STMN3: variants seen among roughly 807,000 people sequenced by gnomAD.
STMN3 encodes stathmin-3.
A neutral mutation model predicts 23.2 loss-of-function variants in STMN3; 24 were observed. That is an observed-to-expected ratio of 1.03 (90% CI 0.75 to 1.45). The LOEUF (loss-of-function observed/expected upper bound fraction) is 1.45, where lower values mean the gene tolerates loss of function less well. STMN3 is among the 40% of genes most tolerant of loss of function. STMN3 has a pLI of 0.00. For synonymous variants in STMN3, 117 were observed against 103.4 expected (o/e 1.13, Z -0.80); for missense variants, 235 against 237.6 (o/e 0.99, Z 0.07).
rs866742551 is a variant in STMN3 at position 63,640,506 on chromosome 20, A to G, written c.*832T>C. On this transcript the variant is annotated 3_prime_UTR_variant, in exon 5 of 5. Transcript: ENST00000370053. ...CAGGGCAGAGGGCACAGGAGGGGCC[A>G]GCACTCCAAAGGGCTCTAGGGTGGG... is the stretch of plus-strand genomic sequence containing the variant. The G allele has an allele frequency of 1.3e-5, 2 of 148,860 alleles. No individual in the cohort carries two copies. Among genetic ancestry groups the G allele is most frequent in the Middle Eastern group, 3.4e-3 (1 of 294 alleles). 9.2% of individuals were successfully genotyped at this position (148,860 alleles called of 1,614,324 possible).
At chr20:63,646,121 C>G (rs1487274882) in intron 1 of STMN3, among the ~76,000 whole-genome samples, 1 of 151,974 alleles carries the variant, frequency 6.6e-6, no homozygotes, top group Non-Finnish European at 1.5e-5. Context: ...CTTAAATTTC[C>G]TGGTGACCTA....
intron 1 of STMN3, among the ~76,000 whole-genome samples, chr20:63,644,895 C>A (rs1230183301): frequency 6.6e-6 from 1 of 152,124 alleles, no homozygotes; most frequent in African/African-American, 2.4e-5. Flanking sequence ...TTCTGGCCTC[C>A]AGAGCGATGG....
chr20:63,644,951 G>C (rs1006776719), intron 1 of STMN3, among the ~76,000 whole-genome samples: 26 of 152,168 alleles, frequency 1.7e-4, no homozygotes, highest in African/African-American at 6.0e-4. Context: ...TCAGGTACCT[G>C]CCCAGACTGA....
At chr20:63,647,991 TAC>T (rs1555897557) in intron 1 of STMN3, among the ~76,000 whole-genome samples, 2 of 75,888 alleles carry the variant, frequency 2.6e-5, no homozygotes, top group African/African-American at 9.7e-5. Flanking sequence ...CATATATATA[TAC>T]AGAGAGAGAG....
chr20:63,648,504 G>A (rs2089835414), intron 1 of STMN3, among the ~76,000 whole-genome samples: 1 of 152,198 alleles, frequency 6.6e-6, no homozygotes, highest in Admixed American at 6.5e-5. Context: ...GGGAGGCTGA[G>A]GCAGGAGGAT....
In STMN3 at chr20:63,639,953, G is replaced by C. The variant is rs1247085985; in HGVS notation, c.*1385C>G. The C allele has an allele frequency of 6.6e-6, 1 of 152,484 alleles. No homozygotes were observed. Among genetic ancestry groups the C allele is most frequent in the Non-Finnish European group, 1.5e-5 (1 of 68,094 alleles). The allele number at this position is 152,484 out of a possible 1,614,324, so 9.4% of individuals were successfully genotyped here. A position where few individuals can be genotyped will look rare whatever the true frequency, so the allele number is the denominator to read the frequency against. ...CTGGGGCTGTCTTGGTGGGGAGAGG[G>C]AGATGGGGCAGTGGGTCCCTGCTGA... On this transcript the variant is annotated 3_prime_UTR_variant, in exon 5 of 5. Transcript: ENST00000370053.
chr20:63,642,631 A>G (rs995595304), intron 3 of STMN3, among the ~76,000 whole-genome samples: 2 of 151,970 alleles, frequency 1.3e-5, no homozygotes, highest in Non-Finnish European at 2.9e-5. Context: ...CTGCCCCTCC[A>G]AGGACCAGCA....
At chr20:63,650,931 GTCT>G (rs1569071500) in intron 1 of STMN3, among the ~76,000 whole-genome samples, 1 of 129,680 alleles carries the variant, frequency 7.7e-6, no homozygotes, top group East Asian at 2.1e-4. Context: ...CTTCTCTTTC[GTCT>G]TCTTCGTCTT....
At chr20:63,642,545 C>T (rs1438330163) in intron 3 of STMN3, among the ~76,000 whole-genome samples, 1 of 152,064 alleles carries the variant, frequency 6.6e-6, no homozygotes, top group Non-Finnish European at 1.5e-5. Context: ...CTGCCTCGCG[C>T]GCGGGTCCCG....
intron 1 of STMN3, 138 bp downstream of exon 1, chr20:63,653,189 G>A: frequency 8.8e-7 from 1 of 1,138,924 alleles, no homozygotes; most frequent in Non-Finnish European, 1.2e-6. Context: ...GCCTCGGGCG[G>A]GTCGGGCCCA....
chr20:63,647,207 C>T (rs2089815781), intron 1 of STMN3, among the ~76,000 whole-genome samples: 1 of 150,086 alleles, frequency 6.7e-6, no homozygotes, highest in South Asian at 2.1e-4. Context: ...ACTTGGGAGG[C>T]TGAGGCAGGA....
intron 1 of STMN3, among the ~76,000 whole-genome samples, chr20:63,646,002 G>A (rs1356797888): frequency 6.6e-6 from 1 of 151,978 alleles, no homozygotes; most frequent in Non-Finnish European, 1.5e-5. Context: ...GGGAGGGAGG[G>A]AGGAAAAGAA....
Position 63,642,084 on chromosome 20 carries a change from TCCGCCCCGGCC to T in STMN3, c.483+13_483+23del, listed in dbSNP as rs1260652970. The T allele has an allele frequency of 1.7e-6, 2 of 1,149,974 alleles. No individual in the cohort carries two copies. The highest frequency in any genetic ancestry group is 8.6e-5 in the Admixed American group (2 of 23,244). 71.2% of individuals were successfully genotyped at this position (1,149,974 alleles called of 1,614,324 possible). Reference sequence around the variant, plus strand: ...GCCCCGGCCCCTGCCCGCTCCGAGCTCCGCCCCGGCCCCGCCCCCGCACCTTCTCGCGCAGC... The same window carrying T: ...GCCCCGGCCCCTGCCCGCTCCGAGCTCCGCCCCCGCACCTTCTCGCGCAGC... On this transcript the variant is annotated intron_variant, in intron 4 of 4. Transcript: ENST00000370053.
Position 63,640,814 on chromosome 20 carries a change from CG to C in STMN3, c.*523del, listed in dbSNP as rs1243141824. 5.3e-4 allele frequency: 112 copies of C among 212,762 alleles called. No homozygotes were observed. Among genetic ancestry groups the C allele is most frequent in the Admixed American group, 9.1e-4 (17 of 18,740 alleles). The allele number at this position is 212,762 out of a possible 1,614,324, so 13.2% of individuals were successfully genotyped here. A position where few individuals can be genotyped will look rare whatever the true frequency, so the allele number is the denominator to read the frequency against. On this transcript the variant is annotated 3_prime_UTR_variant, in exon 5 of 5. Transcript: ENST00000370053. ...AGGAAAGCTGCAGCCCCCACCCACC[CG>C]CCTGCCAGTTCAACAAGCACCGGCT...
At chr20:63,641,454 G>C in intron 4 of STMN3, 57 bp from the exon 5 acceptor site, 1 of 1,448,950 alleles carries the variant, frequency 6.9e-7, no homozygotes, top group South Asian at 1.2e-5. Flanking sequence ...GCGACTCCGG[G>C]AACCCCCAGG....
At position 63,641,357 on chromosome 20, in the gene STMN3, C is replaced by T; in HGVS notation, c.524G>A (p.Arg175Gln). The T allele has an allele frequency of 1.3e-6, 2 of 1,570,216 alleles. No homozygotes were observed. The highest frequency in any genetic ancestry group is 1.7e-6 in the Non-Finnish European group (2 of 1,158,460). ...AAEVRRNKEQ[R>Q]EEMSG ...GGGCCCTTAGCCCGACATCTCTTCT[C>T]GCTGCTCCTTGTTCCTGCGCACCTC... Residue 175 changes from arginine to glutamine, a missense_variant, in exon 5 of 5, where the codon CGA (arginine) becomes CAA (glutamine). Transcript: ENST00000370053.
chr20:63,642,604 C>T (rs1485623341), intron 3 of STMN3, among the ~76,000 whole-genome samples: 1 of 152,220 alleles, frequency 6.6e-6, no homozygotes, highest in African/African-American at 2.4e-5. Flanking sequence ...CGCCACTGCA[C>T]ACCCTGCCCT....
intron 1 of STMN3, among the ~76,000 whole-genome samples, chr20:63,651,134 CT>C (rs967979952): frequency 6.6e-6 from 1 of 151,956 alleles, no homozygotes; most frequent in Non-Finnish European, 1.5e-5. Context: ...TAATTTTGTA[CT>C]TTTAGCAGAG....
chr20:63,649,932 T>C (rs1382183705), intron 1 of STMN3, among the ~76,000 whole-genome samples: 2 of 151,896 alleles, frequency 1.3e-5, no homozygotes, highest in East Asian at 3.9e-4. Flanking sequence ...GTTCAAGTGA[T>C]TCTCCTGCCT....
Sources: allele counts gnomAD v4.1 joint callset (sites outside exome capture counted in the v4.1 genomes callset), GRCh38; gene constraint gnomAD v4.1.1; transcripts MANE v1.5; gene names NCBI Gene and HGNC (gene_info 2026-07-23, HGNC 2026-07-21).